Variants in GORAB observed in about 807,000 individuals in gnomAD.
GORAB encodes the protein golgin, RAB6 interacting, also known as RAB6-interacting golgin.
A neutral mutation model predicts 29.9 loss-of-function variants in GORAB; 17 were observed. The observed-to-expected ratio is 0.57, with a 90% confidence interval of 0.39 to 0.85. The LOEUF (loss-of-function observed/expected upper bound fraction) is 0.85. GORAB is among the 40% of genes least tolerant of loss of function. The probability of loss-of-function intolerance (pLI) is 0.00; values close to 1 mark genes in which losing one functional copy is unlikely to be tolerated. For missense variants in GORAB, 442 were observed against 437.8 expected, an observed-to-expected ratio of 1.01 and a Z score of -0.09; for synonymous variants, 183 against 157.2, an observed-to-expected ratio of 1.16 and a Z score of -1.23.
At chr1:170,546,910 CT>C (rs1649798044) in intron 4 of GORAB, among the ~76,000 whole-genome samples, 1 of 152,120 alleles carries the variant, frequency 6.6e-6, no homozygotes, top group Admixed American at 6.5e-5. Context: ...GTCTCCAACT[CT>C]TGACCTCAGG....
intron 2 of GORAB, 80 bp downstream of exon 2, chr1:170,539,647 T>C: frequency 6.9e-7 from 1 of 1,446,982 alleles, no homozygotes; most frequent in African/African-American, 1.4e-5. Context: ...GAAATATAAT[T>C]TGTTTATTTT....
At chr1:170,535,302 A>G (rs1648990083) in intron 1 of GORAB, among the ~76,000 whole-genome samples, 1 of 152,154 alleles carries the variant, frequency 6.6e-6, no homozygotes, top group Admixed American at 6.5e-5. Flanking sequence ...TTTCTTTTTA[A>G]TCATATAGGT....
At chr1:170,547,442 ACTG>A (rs1571256883) in intron 4 of GORAB, among the ~76,000 whole-genome samples, 1 of 151,850 alleles carries the variant, frequency 6.6e-6, no homozygotes, top group South Asian at 2.1e-4. Flanking sequence ...TACTGCTGCT[ACTG>A]CTGCTACTGC....
At chr1:170,540,397 G>A (rs771590647) in intron 2 of GORAB, among the ~76,000 whole-genome samples, 3 of 151,646 alleles carry the variant, frequency 2.0e-5, no homozygotes, top group Non-Finnish European at 4.4e-5. Flanking sequence ...TCACAGAGAA[G>A]GAATGACATT....
chr1:170,546,470 G>A (rs187115609), intron 4 of GORAB, among the ~76,000 whole-genome samples: 2 of 152,016 alleles, frequency 1.3e-5, no homozygotes, highest in East Asian at 1.9e-4. Flanking sequence ...TTCATATTCA[G>A]TATTATATAA....
In GORAB at chr1:170,535,934, A is replaced by C. The variant is rs186527612; in HGVS notation, c.62-3276A>C. Among the ~76,000 whole-genome samples the C allele has an allele frequency of 2.0e-5, 3 of 152,210 alleles. No individual in the cohort carries two copies. In the East Asian group the frequency reaches 5.8e-4, roughly 29 times the overall value. On this transcript the variant is annotated intron_variant, in intron 1 of 4. Coordinates refer to ENST00000367763, the MANE Select transcript of GORAB (RefSeq NM_152281.3). ...TGTCTTAAGAAATTAGTTTCTTACT[A>C]TACTTAGTATAGTAGTTACAGGTGT...
In GORAB at chr1:170,553,198, G is replaced by A. The variant is rs1202465378; in HGVS notation, c.*736G>A. 4.6e-6 allele frequency: 2 copies of A among 432,588 alleles called. No homozygotes were observed. The highest frequency in any genetic ancestry group is 4.6e-6 in the Non-Finnish European group (1 of 219,376). The allele number at this position is 432,588 out of a possible 1,614,324, so 26.8% of individuals were successfully genotyped here. A position where few individuals can be genotyped will look rare whatever the true frequency, so the allele number is the denominator to read the frequency against. On this transcript the variant is annotated 3_prime_UTR_variant, in exon 5 of 5. Coordinates refer to ENST00000367763, the MANE Select transcript of GORAB (RefSeq NM_152281.3). ...TTTAGACAATTAAAACATTTCTAAA[G>A]TGAGACTGAAAATAATATAGAAAAT...
chr1:170,532,633 G>T, intron 1 of GORAB: 1 of 323,682 alleles, frequency 3.1e-6, no homozygotes, highest in Non-Finnish European at 6.0e-6. Context: ...GGAAGGTTAG[G>T]GTCAGGGTAA....
In GORAB at chr1:170,553,042, G is replaced by A; in HGVS notation, c.*580G>A. 1 of 453,730 alleles carries A rather than the reference G, an allele frequency of 2.2e-6. No individual in the cohort carries two copies. The highest frequency in any genetic ancestry group is 4.4e-6 in the Non-Finnish European group (1 of 226,712). The allele number at this position is 453,730 out of a possible 1,614,324, so 28.1% of individuals were successfully genotyped here. A position where few individuals can be genotyped will look rare whatever the true frequency, so the allele number is the denominator to read the frequency against. ...AACAACTTAAACCAGCATCACTTTT[G>A]TCTTCAATTTGCCTTCCAGTGATTT... On this transcript the variant is annotated 3_prime_UTR_variant, in exon 5 of 5. Transcript: ENST00000367763.
At chr1:170,540,563 G>C (rs1478503134) in intron 2 of GORAB, among the ~76,000 whole-genome samples, 2 of 151,820 alleles carry the variant, frequency 1.3e-5, no homozygotes, top group African/African-American at 2.4e-5. Context: ...ATTTTGACAA[G>C]AGTTATAAAA....
rs1031690430 is a variant in GORAB, at chr1:170,552,840, C to T, written c.*378C>T. The T allele has an allele frequency of 1.8e-5, 8 of 453,760 alleles. No homozygotes were observed. The highest frequency in any genetic ancestry group is 1.2e-4 in the African/African-American group (6 of 49,888). The allele number at this position is 453,760 out of a possible 1,614,324, so 28.1% of individuals were successfully genotyped here. A position where few individuals can be genotyped will look rare whatever the true frequency, so the allele number is the denominator to read the frequency against. On this transcript the variant is annotated 3_prime_UTR_variant, in exon 5 of 5. Transcript: ENST00000367763. The stretch of plus-strand genomic sequence containing the variant: ...AACTCATTTCACTTCTCCTGGGAGA[C>T]GTATTAAGACTGGAAGTCCTATTTT...
At chr1:170,547,592 A>G (rs965889118) in intron 4 of GORAB, among the ~76,000 whole-genome samples, 8 of 152,228 alleles carry the variant, frequency 5.3e-5, no homozygotes, top group African/African-American at 1.9e-4. Flanking sequence ...AGACACCCTC[A>G]TACATGCAAA....
chr1:170,540,598 T>G (rs1351291430), intron 2 of GORAB, among the ~76,000 whole-genome samples: 1 of 152,214 alleles, frequency 6.6e-6, no homozygotes, highest in African/African-American at 2.4e-5. Flanking sequence ...AAACCTATAT[T>G]GAACAAGTGC....
Position 170,539,316 on chromosome 1 carries a change from A to G in GORAB, c.168A>G (p.Gly56=). The G allele has an allele frequency of 6.2e-7, 1 of 1,614,186 alleles. No individual in the cohort carries two copies. Among genetic ancestry groups the G allele is most frequent in the Non-Finnish European group, 8.5e-7 (1 of 1,180,024 alleles). ...EQSQKLGLQD[G]STSLLPEQLL... ...GCCAAAAACTTGGGCTTCAAGATGG[A>G]TCAACCTCATTACTTCCAGAGCAGC... The change falls in exon 2 of 5, where the codon GGA becomes GGG. Residue 56 remains glycine (G), a synonymous_variant. Transcript: ENST00000367763.
intron 4 of GORAB, among the ~76,000 whole-genome samples, chr1:170,550,183 G>A (rs1270555765): frequency 6.6e-6 from 1 of 152,206 alleles, no homozygotes; most frequent in Non-Finnish European, 1.5e-5. Flanking sequence ...AATTAGAATA[G>A]TGATGGGCTA....
At chr1:170,548,599 G>C (rs572463980) in intron 4 of GORAB, among the ~76,000 whole-genome samples, 1 of 152,264 alleles carries the variant, frequency 6.6e-6, no homozygotes, top group East Asian at 1.9e-4. Flanking sequence ...TACAAAAATG[G>C]TGTTTTCAGT....
At chr1:170,549,528 G>C (rs1649987392) in intron 4 of GORAB, among the ~76,000 whole-genome samples, 1 of 152,136 alleles carries the variant, frequency 6.6e-6, no homozygotes. Flanking sequence ...GACTTTGACT[G>C]GCTGAAGGAG....
Position 170,539,678 on chromosome 1 carries a change from T to G in GORAB, c.419+111T>G. The G allele has an allele frequency of 6.1e-6, 7 of 1,156,486 alleles. No homozygotes were observed. The South Asian group carries it at 1.0e-4, about 17-fold the overall frequency. The allele number at this position is 1,156,486 out of a possible 1,614,324, so 71.6% of individuals were successfully genotyped here. ...ATTTTAACATTTTCTCTCCTTTATA[T>G]TCATTCAATCATAGGAATGTGATGT... On this transcript the variant is annotated intron_variant, in intron 2 of 4. Coordinates refer to ENST00000367763, the MANE Select transcript of GORAB (RefSeq NM_152281.3).
intron 1 of GORAB, among the ~76,000 whole-genome samples, chr1:170,535,599 A>G (rs1649010640): frequency 6.6e-6 from 1 of 152,160 alleles, no homozygotes; most frequent in South Asian, 2.1e-4. Flanking sequence ...GAAGTGCAGT[A>G]GCACGATCAT....
Sources: gnomAD v4.1 joint callset for allele counts (sites outside exome capture counted in the v4.1 genomes callset) on GRCh38, gnomAD v4.1.1 for gene constraint, MANE v1.5 for transcripts, NCBI Gene and HGNC (gene_info 2026-07-23, HGNC 2026-07-21) for gene names.